The following NOXRED1 variants were observed in gnomAD, a reference collection of about 807,000 sequenced individuals.
NOXRED1 encodes NADP dependent oxidoreductase domain containing 1, also known as NADP-dependent oxidoreductase domain-containing protein 1.
A neutral mutation model predicts 30.4 loss-of-function variants in NOXRED1; 20 were observed. That is an observed-to-expected ratio of 0.66 (90% confidence interval 0.46 to 0.96). NOXRED1 has a LOEUF of 0.96. NOXRED1 is among the 40% of genes least tolerant of loss of function. NOXRED1 has a pLI of 0.00. For missense variants in NOXRED1, 374 were observed against 428.0 expected, an observed-to-expected ratio of 0.87 and a Z score of 1.11; for synonymous variants, 155 against 168.0, an observed-to-expected ratio of 0.92 and a Z score of 0.60.
chr14:77,401,627 G>A (rs1017760519), intron 5 of NOXRED1, among the ~76,000 whole-genome samples: 3 of 152,116 alleles, frequency 2.0e-5, no homozygotes, highest in Admixed American at 2.0e-4. Flanking sequence ...GATTGCTTGA[G>A]CCCAGAAGGT....
chr14:77,414,181 CTTTTT>C (rs10592368), intron 1 of NOXRED1, 54 bp from the exon 2 acceptor site: 3,614 of 708,348 alleles, frequency 5.1e-3, no homozygotes, highest in South Asian at 0.01. Flanking sequence ...ACTAGTTTTT[CTTTTT>C]TTTTTTTTTT....
chr14:77,405,904 T>G lies in NOXRED1; in HGVS notation c.905+9A>C, dbSNP rs753601967. The G allele has an allele frequency of 1.3e-6, 2 of 1,563,862 alleles. No homozygotes were observed. The highest frequency in any genetic ancestry group is 1.8e-6 in the Non-Finnish European group (2 of 1,135,328). ...GAAATGAGAATGGCCAGCTGTCCAA[T>G]GCCCTTACCTTTCCTGAGACAAATT... On this transcript the variant is annotated intron_variant, in intron 5 of 5. Coordinates refer to ENST00000380835, the MANE Select transcript of NOXRED1 (RefSeq NM_001113475.3).
At chr14:77,400,928 A>G (rs970178625) in intron 5 of NOXRED1, among the ~76,000 whole-genome samples, 33 of 152,254 alleles carry the variant, frequency 2.2e-4, no homozygotes, top group African/African-American at 8.0e-4. Context: ...AGAAGTCTAA[A>G]AACAACAAAA....
chr14:77,404,880 T>A (rs1485468310), intron 5 of NOXRED1, among the ~76,000 whole-genome samples: 3 of 152,170 alleles, frequency 2.0e-5, no homozygotes, highest in Non-Finnish European at 4.4e-5. Flanking sequence ...CAATAATCTT[T>A]GCATATTAGA....
At chr14:77,413,620 A>T (rs1428497062) in intron 2 of NOXRED1, among the ~76,000 whole-genome samples, 4 of 152,126 alleles carry the variant, frequency 2.6e-5, no homozygotes, top group Non-Finnish European at 5.9e-5. Context: ...TTAACACCCA[A>T]CCAGACCCTA....
At chr14:77,420,212 TTTG>T (rs1894951114) in intron 1 of NOXRED1, among the ~76,000 whole-genome samples, 12 of 152,188 alleles carry the variant, frequency 7.9e-5, no homozygotes, top group African/African-American at 2.9e-4. Context: ...GGTCTTCAAA[TTTG>T]CTGATTCTTT....
At chr14:77,417,401 CTACTA>C (rs1409496672) in intron 1 of NOXRED1, among the ~76,000 whole-genome samples, 4 of 152,186 alleles carry the variant, frequency 2.6e-5, no homozygotes, top group African/African-American at 9.7e-5. Flanking sequence ...TTAAAATCTC[CTACTA>C]TAATTGTATA....
chr14:77,418,196 G>A (rs997302843), intron 1 of NOXRED1, among the ~76,000 whole-genome samples: 18 of 151,884 alleles, frequency 1.2e-4, no homozygotes, highest in African/African-American at 3.6e-4. Context: ...GTACAGTGGC[G>A]TGAACACAGC....
chr14:77,403,052 A>G lies in NOXRED1; in HGVS notation c.905+2861T>C, dbSNP rs548854019. ...CTCCGTCTCAGAAAAAAAAAAGAAT[A>G]CAAGGAAAATTTGACAGGAAAACTA... On this transcript the variant is annotated intron_variant, in intron 5 of 5. Transcript: ENST00000380835. Among the ~76,000 whole-genome samples, 27 of 152,264 alleles carry G rather than the reference A, an allele frequency of 1.8e-4. No individual in the cohort carries two copies. The South Asian group carries it at 1.9e-3, about 11-fold the overall frequency.
In NOXRED1 at chr14:77,406,109, A is replaced by G; in HGVS notation, c.709T>C (p.Leu237=). The change falls in exon 5 of 6, where the codon TTG becomes CTG. Residue 237 remains leucine, a synonymous_variant. Coordinates refer to ENST00000380835, the MANE Select transcript of NOXRED1 (RefSeq NM_001113475.3). ...AGGGCCGCATAGAACACTCCCTCCA[A>G]CCACTTGATATTGAGGATTATTCCC... ...AGGIILNIKW[L]EGVFYAALNI... 13 of 1,613,272 alleles carry G rather than the reference A, an allele frequency of 8.1e-6. No homozygotes were observed. Among genetic ancestry groups the G allele is most frequent in the Non-Finnish European group, 1.1e-5 (13 of 1,179,332 alleles).
At chr14:77,397,961 C>T (rs1894231179) in intron 5 of NOXRED1, among the ~76,000 whole-genome samples, 1 of 151,132 alleles carries the variant, frequency 6.6e-6, no homozygotes, top group Admixed American at 6.6e-5. Context: ...TCTATCCTAA[C>T]AATAATTAAA....
intron 1 of NOXRED1, among the ~76,000 whole-genome samples, chr14:77,419,070 C>CTTTT (rs547826435): frequency 7.2e-6 from 1 of 139,224 alleles, no homozygotes; most frequent in Admixed American, 7.2e-5. Flanking sequence ...CTTTCTTTCT[C>CTTTT]TTTTTTTTTT....
chr14:77,412,361 T>G (rs1483799177), intron 2 of NOXRED1, among the ~76,000 whole-genome samples: 1 of 152,154 alleles, frequency 6.6e-6, no homozygotes, highest in East Asian at 1.9e-4. Flanking sequence ...TCTAGTGGTC[T>G]TAGCCACTGC....
At chr14:77,415,965 TCCGCCTC>T (rs1254280723) in intron 1 of NOXRED1, among the ~76,000 whole-genome samples, 4 of 152,134 alleles carry the variant, frequency 2.6e-5, no homozygotes, top group Admixed American at 6.5e-5. Flanking sequence ...TCCGCCCACC[TCCGCCTC>T]CCAAAGTGCT....
At chr14:77,413,491 C>G (rs1402122877) in intron 2 of NOXRED1, among the ~76,000 whole-genome samples, 1 of 152,150 alleles carries the variant, frequency 6.6e-6, no homozygotes, top group African/African-American at 2.4e-5. Flanking sequence ...CCCGCCTTGG[C>G]CTCCCAAAGT....
At chr14:77,406,317 C>T (rs2139675321) in intron 4 of NOXRED1, 182 bp from the exon 5 acceptor site, 1 of 604,994 alleles carries the variant, frequency 1.7e-6, no homozygotes, top group East Asian at 2.7e-5. Context: ...CTTTATAACA[C>T]ATCATGTGTT....
At chr14:77,401,191 G>T (rs1205477344) in intron 5 of NOXRED1, among the ~76,000 whole-genome samples, 1 of 150,866 alleles carries the variant, frequency 6.6e-6, no homozygotes, top group African/African-American at 2.4e-5. Context: ...TGGCCAACAT[G>T]GTGAAACCCC....
At chr14:77,424,184 C>T (rs543589044), upstream of NOXRED1, among the ~76,000 whole-genome samples, 468 of 152,354 alleles carry the variant, frequency 3.1e-3, 4 homozygotes, top group Middle Eastern at 0.027. Context: ...GGCGTGGTGG[C>T]TCACGCCTGT....
At chr14:77,406,973 C>A in intron 3 of NOXRED1, 98 bp from the exon 4 acceptor site, 1 of 1,044,924 alleles carries the variant, frequency 9.6e-7, no homozygotes, top group Non-Finnish European at 1.4e-6. Context: ...ACAGACTCCC[C>A]CACACAGCTC....
Sources: gnomAD v4.1 joint callset for allele counts (sites outside exome capture counted in the v4.1 genomes callset) on GRCh38, gnomAD v4.1.1 for gene constraint, MANE v1.5 for transcripts, NCBI Gene and HGNC (gene_info 2026-07-23, HGNC 2026-07-21) for gene names.